The following TYW1B variants were observed in gnomAD, a reference collection of about 807,000 sequenced individuals.
TYW1B encodes S-adenosyl-L-methionine-dependent tRNA 4-demethylwyosine synthase TYW1B.
TYW1B carries 73 observed loss-of-function variants against 86.9 expected under a neutral mutation model. The ratio of observed to expected loss-of-function variants is 0.84; its 90% CI spans 0.70 to 1.02. TYW1B has a LOEUF of 1.02. Ranked by LOEUF, TYW1B falls within the 50% of genes least tolerant of loss-of-function variation. TYW1B has a pLI of 0.00. For synonymous variants in TYW1B, 248 were observed against 292.8 expected (o/e 0.85, Z 1.56); for missense variants, 637 against 827.4 (o/e 0.77, Z 2.82).
At chr7:72,786,202 C>A (rs577690422) in intron 6 of TYW1B, among the ~76,000 whole-genome samples, 2 of 152,226 alleles carry the variant, frequency 1.3e-5, no homozygotes, top group Admixed American at 1.3e-4. Flanking sequence ...CCCATATCCC[C>A]TAGAAATTGA....
chr7:72,825,653 G>A (rs1442751813), intron 2 of TYW1B, among the ~76,000 whole-genome samples: 3 of 152,146 alleles, frequency 2.0e-5, no homozygotes, highest in Non-Finnish European at 2.9e-5. Context: ...ACTCCAGCCT[G>A]GGTGACAGAG....
At position 72,815,472 on chromosome 7, in the gene TYW1B, T is replaced by C. The variant is rs184391894; in HGVS notation, c.145A>G (p.Thr49Ala). ...QIVIEMQGFA[T>A]VLAEAVTSLD... ...GACGTAACTGCTTCAGCAAGAACTG[T>C]TGCAAATCCCTAATAGGACAAAAAA... The change falls in exon 3 of 14, where the codon ACA (threonine) becomes GCA (alanine). Residue 49 changes from threonine (T) to alanine (A), a missense_variant. Thr to Ala is a moderately conservative substitution (Grantham distance 58, BLOSUM62 0). Coordinates refer to ENST00000620995, the MANE Select transcript of TYW1B (RefSeq NM_001145440.3). The C allele has an allele frequency of 5.2e-4, 837 of 1,607,704 alleles. 15 individuals carry two copies. The Admixed American group carries it at 0.011, about 22-fold the overall frequency.
At chr7:72,618,227 ATTTTTTTT>A (rs869158136) in intron 12 of TYW1B, among the ~76,000 whole-genome samples, 26 of 103,940 alleles carry the variant, frequency 2.5e-4, no homozygotes, top group African/African-American at 7.1e-4. Context: ...ATGACACTGA[ATTTTTTTT>A]TTTTTTTTTT....
At chr7:72,822,123 A>G (rs1456252286) in intron 2 of TYW1B, among the ~76,000 whole-genome samples, 12 of 147,236 alleles carry the variant, frequency 8.2e-5, no homozygotes, top group African/African-American at 2.5e-4. Context: ...GGCCAATGCC[A>G]CTGCACTCCA....
At chr7:72,593,796 T>C (rs1811459610) in intron 13 of TYW1B, among the ~76,000 whole-genome samples, 2 of 123,362 alleles carry the variant, frequency 1.6e-5, no homozygotes, top group Admixed American at 1.1e-4. Context: ...CACTCCAGCC[T>C]GGGTGACAGA....
chr7:72,617,270 G>A (rs1432631880), intron 12 of TYW1B, among the ~76,000 whole-genome samples: 1 of 152,112 alleles, frequency 6.6e-6, no homozygotes, highest in Admixed American at 6.5e-5. Context: ...TTGATTCACT[G>A]GGAAAATAAG....
chr7:72,674,778 A>G (rs1409824117), intron 11 of TYW1B, among the ~76,000 whole-genome samples: 2 of 42,488 alleles, frequency 4.7e-5, no homozygotes, highest in African/African-American at 1.3e-4. Flanking sequence ...TTTTTTTTTT[A>G]AAGAGATGGG....
chr7:72,815,151 C>A (rs1788698438), intron 3 of TYW1B, among the ~76,000 whole-genome samples: 1 of 151,848 alleles, frequency 6.6e-6, no homozygotes, highest in Non-Finnish European at 1.5e-5. Context: ...TAGTCCTGCC[C>A]CAGGAGAATT....
intron 13 of TYW1B, among the ~76,000 whole-genome samples, chr7:72,597,906 A>G (rs1811574560): frequency 6.6e-6 from 1 of 152,074 alleles, no homozygotes; most frequent in African/African-American, 2.4e-5. Flanking sequence ...AACACTCCCT[A>G]TCTCCTATTA....
At chr7:72,627,517 A>AACATAACAT (rs1219156343) in intron 12 of TYW1B, among the ~76,000 whole-genome samples, 8 of 128,526 alleles carry the variant, frequency 6.2e-5, no homozygotes, top group African/African-American at 1.8e-4. Context: ...TAACATAAAT[A>AACATAACAT]AAATAAAATA....
At chr7:72,651,307 C>T (rs1438435023) in intron 11 of TYW1B, among the ~76,000 whole-genome samples, 1 of 152,164 alleles carries the variant, frequency 6.6e-6, no homozygotes, top group African/African-American at 2.4e-5. Context: ...ATCCCTGTGT[C>T]TTATCATACC....
intron 9 of TYW1B, among the ~76,000 whole-genome samples, chr7:72,720,847 C>T (rs1200180134): frequency 1.2e-4 from 19 of 152,138 alleles, no homozygotes; most frequent in South Asian, 2.1e-4. Context: ...GTGCTGCACC[C>T]GTTAACTCGT....
intron 11 of TYW1B, among the ~76,000 whole-genome samples, chr7:72,675,322 C>T (rs1813709882): frequency 6.6e-6 from 1 of 151,814 alleles, no homozygotes. Flanking sequence ...TTGCTTGAAC[C>T]CAGGAGGTGG....
chr7:72,678,604 C>T (rs1210976145), intron 11 of TYW1B, among the ~76,000 whole-genome samples: 3 of 146,872 alleles, frequency 2.0e-5, no homozygotes, highest in Admixed American at 1.4e-4. Context: ...GTGGCTCACA[C>T]CTGTAATTCC....
At chr7:72,588,816 CTT>C (rs200351946) in intron 13 of TYW1B, among the ~76,000 whole-genome samples, 4 of 143,528 alleles carry the variant, frequency 2.8e-5, no homozygotes, top group African/African-American at 5.1e-5. Flanking sequence ...AAGACTTGCA[CTT>C]TTTTTTTTTT....
intron 11 of TYW1B, among the ~76,000 whole-genome samples, chr7:72,629,735 T>TG (rs1368602323): frequency 2.6e-5 from 4 of 152,018 alleles, no homozygotes; most frequent in Non-Finnish European, 5.9e-5. Flanking sequence ...TTTTTAGAGA[T>TG]GGGGTCCTTG....
chr7:72,583,349 C>CA, intron 13 of TYW1B, among the ~76,000 whole-genome samples: 1 of 151,994 alleles, frequency 6.6e-6, no homozygotes, highest in East Asian at 1.9e-4. Context: ...GACTCCGCCT[C>CA]AAAAAAAGAA....
intron 11 of TYW1B, 67 bp downstream of exon 11, chr7:72,694,620 C>T (rs1814264849): frequency 7.2e-7 from 1 of 1,383,698 alleles, no homozygotes; most frequent in Non-Finnish European, 9.4e-7. Flanking sequence ...TTCCATCTTT[C>T]TTTCTTCTTA....
At chr7:72,792,629 A>G (rs1788240378) in intron 6 of TYW1B, among the ~76,000 whole-genome samples, 1 of 152,178 alleles carries the variant, frequency 6.6e-6, no homozygotes, top group African/African-American at 2.4e-5. Flanking sequence ...CAATTTTAGG[A>G]ATTTATTCTT....
Sources: allele counts gnomAD v4.1 joint callset (sites outside exome capture counted in the v4.1 genomes callset), GRCh38; gene constraint gnomAD v4.1.1; transcripts MANE v1.5; gene names NCBI Gene and HGNC (gene_info 2026-07-23, HGNC 2026-07-21).